Variants in CCDC7 observed in about 807,000 individuals in gnomAD.
The protein encoded by CCDC7 is coiled-coil domain-containing protein 7.
In CCDC7, 183 loss-of-function variants were observed where a neutral mutation model predicts 196.9. The observed-to-expected ratio is 0.93, with a 90% confidence interval of 0.82 to 1.05. CCDC7 has a LOEUF of 1.05. Ranked by LOEUF, CCDC7 falls within the 50% of genes least tolerant of loss-of-function variation. The pLI is 0.00. For synonymous variants in CCDC7, 525 were observed against 484.6 expected (o/e 1.08, Z -1.10); for missense variants, 1,540 against 1,482.2 (o/e 1.04, Z -0.64).
chr10:32,504,779 C>A (rs887950377), intron 9 of CCDC7, among the ~76,000 whole-genome samples: 1 of 152,166 alleles, frequency 6.6e-6, no homozygotes, highest in African/African-American at 2.4e-5. Context: ...CTTGATATGA[C>A]TTCAGTCTTC....
intron 21 of CCDC7, among the ~76,000 whole-genome samples, chr10:32,667,017 C>A (rs1591349475): frequency 6.6e-6 from 1 of 152,268 alleles, no homozygotes; most frequent in East Asian, 1.9e-4. Context: ...TCCTATTTCT[C>A]CACATCCTCT....
At chr10:32,802,408 A>C (rs7100264) in intron 29 of CCDC7, among the ~76,000 whole-genome samples, 21,838 of 152,020 alleles carry the variant, frequency 0.14, 1,907 homozygotes, top group African/African-American at 0.25. Flanking sequence ...ATACTATTAG[A>C]AGTAGAATCC....
intron 22 of CCDC7, among the ~76,000 whole-genome samples, chr10:32,687,366 C>T (rs1032445287): frequency 6.6e-6 from 1 of 152,180 alleles, no homozygotes; most frequent in Admixed American, 6.5e-5. Flanking sequence ...ACTAAAATGA[C>T]CTTAACCACA....
intron 31 of CCDC7, among the ~76,000 whole-genome samples, chr10:32,820,307 A>G (rs557159044): frequency 1.3e-5 from 2 of 152,354 alleles, no homozygotes; most frequent in African/African-American, 2.4e-5. Flanking sequence ...TCAGTGAAAT[A>G]AAAGAGGATA....
At position 32,640,873 on chromosome 10, in the gene CCDC7, TTTC is replaced by T. The variant is rs1168614010; in HGVS notation, c.2014+5718_2014+5720del. Reference sequence around the variant, plus strand: ...CTGGCTTGTAGATTTTCTTTTTTTTTTTCTTTTTTTTTTTATTATACTCTAAGT... The same window carrying T: ...CTGGCTTGTAGATTTTCTTTTTTTTTTTTTTTTTTTTATTATACTCTAAGT... On this transcript the variant is annotated intron_variant, in intron 20 of 41. Transcript: ENST00000639629. Among the ~76,000 whole-genome samples, 50 of 48,624 alleles carry T rather than the reference TTTC, an allele frequency of 1.0e-3. 2 individuals are homozygous for T. The highest frequency in any genetic ancestry group is 1.2e-3 in the African/African-American group (33 of 27,112). The allele number at this position is 48,624 out of a possible 152,430, so 31.9% of individuals were successfully genotyped here.
intron 30 of CCDC7, among the ~76,000 whole-genome samples, chr10:32,807,931 A>G (rs2086195735): frequency 6.6e-6 from 1 of 152,042 alleles, no homozygotes; most frequent in Admixed American, 6.5e-5. Flanking sequence ...GGGTTTTTCC[A>G]TGTTGGCCAG....
In CCDC7 at chr10:32,584,327, G is replaced by A. The variant is rs773443562; in HGVS notation, c.1801+23G>A. ...AAGGTAAAAAGACTCTGTTTTGGAA[G>A]ATGAAAATGTGATTGAATGATTATG... On this transcript the variant is annotated intron_variant, in intron 18 of 41. Coordinates refer to ENST00000639629, the Ensembl canonical transcript of CCDC7. 10 of 1,469,862 alleles carry A rather than the reference G, an allele frequency of 6.8e-6. No homozygotes were observed. In the South Asian group the frequency reaches 1.2e-4, roughly 18 times the overall value. The allele number at this position is 1,469,862 out of a possible 1,614,324, so 91.1% of individuals were successfully genotyped here.
intron 11 of CCDC7, among the ~76,000 whole-genome samples, chr10:32,532,548 A>G (rs1046299699): frequency 3.3e-5 from 5 of 152,112 alleles, no homozygotes; most frequent in South Asian, 2.1e-4. Flanking sequence ...AGATAGGCCT[A>G]TTACATTTTG....
intron 31 of CCDC7, among the ~76,000 whole-genome samples, chr10:32,822,643 G>A (rs1360653615): frequency 1.3e-5 from 2 of 152,012 alleles, no homozygotes; most frequent in African/African-American, 4.8e-5. Flanking sequence ...TATATATAAA[G>A]GAGTAATGTT....
At chr10:32,485,677 A>G (rs1038725406) in intron 8 of CCDC7, among the ~76,000 whole-genome samples, 1 of 152,222 alleles carries the variant, frequency 6.6e-6, no homozygotes, top group Non-Finnish European at 1.5e-5. Flanking sequence ...AATGTGTCCC[A>G]GAGATTCTAG....
intron 24 of CCDC7, among the ~76,000 whole-genome samples, chr10:32,697,791 C>T (rs2077973772): frequency 2.0e-5 from 3 of 152,296 alleles, no homozygotes; most frequent in South Asian, 2.1e-4. Flanking sequence ...CAGACTTAAA[C>T]GTCCCTGTCT....
chr10:32,581,308 TG>T (rs907481439), intron 16 of CCDC7, among the ~76,000 whole-genome samples: 2 of 152,190 alleles, frequency 1.3e-5, no homozygotes, highest in Non-Finnish European at 2.9e-5. Context: ...TGGTTGTTTT[TG>T]GCAATTCACC....
intron 13 of CCDC7, among the ~76,000 whole-genome samples, chr10:32,554,207 C>T (rs1184480499): frequency 1.3e-5 from 2 of 152,196 alleles, no homozygotes; most frequent in African/African-American, 2.4e-5. Context: ...AGACGGTGGG[C>T]GAGTTGGGCT....
intron 9 of CCDC7, among the ~76,000 whole-genome samples, chr10:32,498,378 T>G (rs1375441341): frequency 6.6e-6 from 1 of 152,204 alleles, no homozygotes; most frequent in Non-Finnish European, 1.5e-5. Context: ...TTAGCTAATT[T>G]ACATTTAAGG....
At chr10:32,555,923 C>G (rs1323286022) in intron 13 of CCDC7, among the ~76,000 whole-genome samples, 1 of 152,162 alleles carries the variant, frequency 6.6e-6, no homozygotes, top group East Asian at 1.9e-4. Flanking sequence ...TCTTTCTAGT[C>G]TCTTATCTTC....
chr10:32,652,543 A>G (rs2068962589), intron 20 of CCDC7, among the ~76,000 whole-genome samples: 1 of 151,790 alleles, frequency 6.6e-6, no homozygotes, highest in South Asian at 2.1e-4. Flanking sequence ...GTTTTAATTC[A>G]TTGCTTTTTG....
chr10:32,497,838 G>A lies in CCDC7; in HGVS notation c.872+5841G>A, dbSNP rs2043156309. 2.0e-5 allele frequency among the ~76,000 whole-genome samples: 3 copies of A among 152,182 alleles called. 1 individual carries two copies. In the South Asian group the frequency reaches 6.2e-4, roughly 32 times the overall value. On this transcript the variant is annotated intron_variant, in intron 9 of 41. Coordinates refer to ENST00000639629, the Ensembl canonical transcript of CCDC7. The stretch of plus-strand genomic sequence containing the variant: ...TTTTGTGGTCAATTTTAGAATAAGT[G>A]CAATGTGGTGTTGAGAAGAATGTAT...
At chr10:32,543,682 GA>G (rs1448962502) in intron 12 of CCDC7, among the ~76,000 whole-genome samples, 3 of 152,030 alleles carry the variant, frequency 2.0e-5, no homozygotes, top group African/African-American at 7.2e-5. Context: ...TTGTTTCTTT[GA>G]TGGTCTAGCT....
Position 32,567,440 on chromosome 10 carries a change from G to A in CCDC7, c.1198-230G>A, listed in dbSNP as rs114853704. ...AATAACAGCCAGGAAAAACTCCTGG[G>A]TATAAAAATAGCCCTCAAAGGTGGA... On this transcript the variant is annotated intron_variant, in intron 14 of 41. Transcript: ENST00000639629. 5.0e-3 allele frequency among the ~76,000 whole-genome samples: 763 copies of A among 152,032 alleles called. 5 individuals carry two copies. The highest frequency in any genetic ancestry group is 0.018 in the African/African-American group (726 of 41,470).
Sources: allele counts gnomAD v4.1 joint callset (sites outside exome capture counted in the v4.1 genomes callset), GRCh38; gene constraint gnomAD v4.1.1; transcripts MANE v1.5; gene names NCBI Gene and HGNC (gene_info 2026-07-23, HGNC 2026-07-21).